The following TMEM108 variants were observed in gnomAD, a reference collection of about 807,000 sequenced individuals.
The protein encoded by TMEM108 is cancer/testis antigen 124.
TMEM108 carries 12 observed loss-of-function variants against 35.1 expected under a neutral mutation model. The observed-to-expected ratio is 0.34, with a 90% confidence interval of 0.22 to 0.55. The LOEUF (loss-of-function observed/expected upper bound fraction) is 0.55, where lower values mean the gene tolerates loss of function less well. TMEM108 is among the 20% of genes least tolerant of loss of function. TMEM108 has a pLI of 0.89. For synonymous variants in TMEM108, 287 were observed against 308.6 expected (o/e 0.93, Z 0.73); for missense variants, 680 against 753.3 (o/e 0.90, Z 1.14).
chr3:133,185,705 C>T (rs550443280), intron 2 of TMEM108, among the ~76,000 whole-genome samples: 2 of 151,986 alleles, frequency 1.3e-5, no homozygotes, highest in South Asian at 2.1e-4. Context: ...AAAACTTGCA[C>T]CCAAGAATGA....
chr3:133,071,401 CCAGT>C (rs1943674515), intron 2 of TMEM108, among the ~76,000 whole-genome samples: 1 of 152,054 alleles, frequency 6.6e-6, no homozygotes, highest in Non-Finnish European at 1.5e-5. Context: ...TATGAGAACA[CCAGT>C]CATATTGGTT....
chr3:133,133,323 A>G (rs1944516638), intron 2 of TMEM108, among the ~76,000 whole-genome samples: 1 of 152,246 alleles, frequency 6.6e-6, no homozygotes. Context: ...CTCTACCAGC[A>G]AAAAGATTAC....
intron 3 of TMEM108, among the ~76,000 whole-genome samples, chr3:133,325,163 G>A (rs571163635): frequency 2.0e-5 from 3 of 152,216 alleles, no homozygotes; most frequent in African/African-American, 7.2e-5. Flanking sequence ...AAAAAGGAAT[G>A]AAATAATGGC....
At chr3:133,390,810 A>G (rs943839977) in intron 5 of TMEM108, among the ~76,000 whole-genome samples, 2 of 152,208 alleles carry the variant, frequency 1.3e-5, no homozygotes, top group African/African-American at 4.8e-5. Context: ...CCCAGTGCAG[A>G]TGCTAGGAAG....
chr3:133,392,866 T>C (rs181833999), intron 5 of TMEM108, among the ~76,000 whole-genome samples: 2 of 152,232 alleles, frequency 1.3e-5, no homozygotes, highest in African/African-American at 4.8e-5. Flanking sequence ...AAATTAGGAC[T>C]CCCCACTACC....
intron 2 of TMEM108, among the ~76,000 whole-genome samples, chr3:133,193,828 T>C (rs1310781035): frequency 6.6e-6 from 1 of 152,186 alleles, no homozygotes; most frequent in East Asian, 1.9e-4. Context: ...TTGAGTTTAC[T>C]ATTAAACTGA....
At chr3:133,220,052 C>T (rs1257634514) in intron 2 of TMEM108, among the ~76,000 whole-genome samples, 1 of 147,838 alleles carries the variant, frequency 6.8e-6, no homozygotes, top group Non-Finnish European at 1.5e-5. Flanking sequence ...AACCTTTCAT[C>T]CTTATATAAT....
At chr3:133,349,109 G>A (rs907720759) in intron 3 of TMEM108, among the ~76,000 whole-genome samples, 3 of 152,102 alleles carry the variant, frequency 2.0e-5, no homozygotes, top group Non-Finnish European at 4.4e-5. Context: ...ATACAGGTGA[G>A]CAATAAACTT....
chr3:133,112,057 G>GT (rs1008458534), intron 2 of TMEM108, among the ~76,000 whole-genome samples: 235 of 151,436 alleles, frequency 1.6e-3, no homozygotes, highest in African/African-American at 5.2e-3. Context: ...GAGCAAGACA[G>GT]TTTTTTTTTC....
intron 2 of TMEM108, among the ~76,000 whole-genome samples, chr3:133,167,814 C>T (rs2107786843): frequency 6.6e-6 from 1 of 152,316 alleles, no homozygotes; most frequent in East Asian, 1.9e-4. Flanking sequence ...TGGCTCCAGC[C>T]TCAGCCAGCA....
chr3:133,270,124 G>A (rs1946749894), intron 3 of TMEM108, among the ~76,000 whole-genome samples: 1 of 152,096 alleles, frequency 6.6e-6, no homozygotes, highest in African/African-American at 2.4e-5. Context: ...CAGAAAATAA[G>A]ATATTAGAGA....
In TMEM108 at chr3:133,280,243, T is replaced by C. The variant is rs1458354932; in HGVS notation, c.40+50892T>C. Among the ~76,000 whole-genome samples the C allele has an allele frequency of 3.3e-5, 5 of 152,186 alleles. 1 individual carries two copies. The highest frequency in any genetic ancestry group is 7.3e-5 in the Non-Finnish European group (5 of 68,034). On this transcript the variant is annotated intron_variant, in intron 3 of 5. Coordinates refer to ENST00000321871, the MANE Select transcript of TMEM108 (RefSeq NM_023943.4). ...AGGAAAGTCAACATGTAGGAAAAAT[T>C]ACACGGTTTTCACCCTGTCCCCAGA...
chr3:133,230,172 T>A (rs541346391), intron 3 of TMEM108, among the ~76,000 whole-genome samples: 74 of 152,320 alleles, frequency 4.9e-4, no homozygotes, highest in African/African-American at 1.6e-3. Flanking sequence ...TACCTATCTT[T>A]CCTAGGCTGA....
intron 2 of TMEM108, among the ~76,000 whole-genome samples, chr3:133,070,919 T>A (rs1459390216): frequency 6.6e-6 from 1 of 152,106 alleles, no homozygotes; most frequent in African/African-American, 2.4e-5. Flanking sequence ...CAACATTTGC[T>A]GTCTTCAGGG....
intron 3 of TMEM108, among the ~76,000 whole-genome samples, chr3:133,254,745 G>A (rs1946521609): frequency 1.3e-5 from 2 of 152,110 alleles, no homozygotes; most frequent in South Asian, 4.2e-4. Context: ...AGACCTTCGT[G>A]GCATAAAACA....
rs74768679 is a variant in TMEM108 at position 133,039,725 on chromosome 3, T to C, written c.-166+1290T>C. Among the ~76,000 whole-genome samples, 1,119 of 152,316 alleles carry C rather than the reference T, an allele frequency of 7.3e-3. 18 individuals carry two copies. The highest frequency in any genetic ancestry group is 0.025 in the African/African-American group (1,023 of 41,568). ...GAAGATATTACTGTGTTCTGGACTTTCCACGTAATTTATTCAGAACTCTTT... is the reference window on the plus strand; with the variant it reads ...GAAGATATTACTGTGTTCTGGACTTCCCACGTAATTTATTCAGAACTCTTT... On this transcript the variant is annotated intron_variant, in intron 1 of 5. Transcript: ENST00000321871.
At chr3:133,098,799 A>G (rs968874597) in intron 2 of TMEM108, among the ~76,000 whole-genome samples, 1 of 152,206 alleles carries the variant, frequency 6.6e-6, no homozygotes, top group Non-Finnish European at 1.5e-5. Flanking sequence ...GTGGGTTCCC[A>G]TGGTCTTGGG....
At chr3:133,265,456 T>C (rs1309582928) in intron 3 of TMEM108, among the ~76,000 whole-genome samples, 1 of 152,210 alleles carries the variant, frequency 6.6e-6, no homozygotes, top group East Asian at 1.9e-4. Flanking sequence ...AAAATATAAC[T>C]ATCCTCCTAT....
intron 2 of TMEM108, among the ~76,000 whole-genome samples, chr3:133,064,909 C>T (rs1576299617): frequency 6.6e-6 from 1 of 152,076 alleles, no homozygotes. Flanking sequence ...TTTTTTCCAA[C>T]CAGAACTTTA....
Sources: gnomAD v4.1 joint callset for allele counts (sites outside exome capture counted in the v4.1 genomes callset) on GRCh38, gnomAD v4.1.1 for gene constraint, MANE v1.5 for transcripts, NCBI Gene and HGNC (gene_info 2026-07-23, HGNC 2026-07-21) for gene names.